BIN1: variants seen among roughly 807,000 people sequenced by gnomAD.
The protein encoded by BIN1 is myc box-dependent-interacting protein 1.
BIN1 carries 53 observed loss-of-function variants against 82.0 expected under a neutral mutation model. The ratio of observed to expected loss-of-function variants is 0.65; its 90% CI spans 0.52 to 0.81. The LOEUF is 0.81. Among genes scored for constraint, BIN1 ranks in the 40% least tolerant of loss-of-function variants. The probability of loss-of-function intolerance (pLI) is 0.00; values close to 1 mark genes in which losing one functional copy is unlikely to be tolerated. For synonymous variants in BIN1, 302 were observed against 328.0 expected (o/e 0.92, Z 0.86); for missense variants, 642 against 784.4 (o/e 0.82, Z 2.17).
intron 18 of BIN1, 73 bp downstream of exon 18, chr2:127,050,348 G>A (rs1412969008): frequency 2.5e-5 from 39 of 1,553,892 alleles, no homozygotes; most frequent in Admixed American, 1.3e-4. Context: ...GCCTGTCTCC[G>A]CCACGGCGGT....
Position 127,067,515 on chromosome 2 carries a change from T to C in BIN1, c.612+648A>G, listed in dbSNP as rs577340100. 6.6e-6 allele frequency among the ~76,000 whole-genome samples: 1 copy of C among 152,290 alleles called. No homozygotes were observed. Among genetic ancestry groups the C allele is most frequent in the South Asian group, 2.1e-4 (1 of 4,828 alleles). ...CCAGGAACACTGTGGTGCTGGTCAC[T>C]TGCCCTCCATGAATCCCCAAAGGCC... On this transcript the variant is annotated intron_variant, in intron 7 of 18. Transcript: ENST00000316724. The surrounding 1 kb of genome is among the most constrained non-coding windows in gnomAD (Gnocchi z 4.7).
At chr2:127,054,051 G>T (rs1683318581) in intron 12 of BIN1, 39 bp from the exon 13 acceptor site, 1 of 1,532,454 alleles carries the variant, frequency 6.5e-7, no homozygotes, top group Non-Finnish European at 8.8e-7. Context: ...GAAGCAGTTA[G>T]TGTTAAGCTG....
intron 1 of BIN1, among the ~76,000 whole-genome samples, chr2:127,085,688 G>A (rs1031070474): frequency 1.3e-5 from 2 of 152,290 alleles, no homozygotes; most frequent in East Asian, 3.9e-4. Context: ...CAGCAGGAAG[G>A]GCCCAGCACC....
In BIN1 at chr2:127,057,382, C is replaced by T. The variant is rs1437200471; in HGVS notation, c.1131+91G>A. On this transcript the variant is annotated intron_variant, in intron 12 of 18. Transcript: ENST00000316724. This position sits in a 1 kb window ranked among gnomAD's most constrained non-coding sequence, Gnocchi z 5.0. The stretch of plus-strand genomic sequence containing the variant: ...ACACTCTCTCTGGCCAGATTCCTGG[C>T]TCTTGAGACAGAAGCATAGAGGATG... 7.1e-6 allele frequency: 10 copies of T among 1,417,068 alleles called. No homozygotes were observed. The highest frequency in any genetic ancestry group is 8.3e-6 in the Non-Finnish European group (9 of 1,078,386). The allele number at this position is 1,417,068 out of a possible 1,614,324, so 87.8% of individuals were successfully genotyped here.
intron 1 of BIN1, among the ~76,000 whole-genome samples, chr2:127,081,202 G>T (rs1687254233): frequency 6.6e-6 from 1 of 152,232 alleles, no homozygotes; most frequent in Non-Finnish European, 1.5e-5. Flanking sequence ...GCCCAGGCCT[G>T]TCTTGTTTGA....
chr2:127,054,079 C>G, intron 12 of BIN1, 67 bp from the exon 13 acceptor site: 1 of 1,344,478 alleles, frequency 7.4e-7, no homozygotes, highest in Non-Finnish European at 1.0e-6. Context: ...TCACCCCAGG[C>G]AGACACTGCA....
chr2:127,086,387 C>T (rs1678160852), intron 1 of BIN1, among the ~76,000 whole-genome samples: 1 of 152,176 alleles, frequency 6.6e-6, no homozygotes, highest in African/African-American at 2.4e-5. Flanking sequence ...ACATAACCAA[C>T]ATAGACAGCT....
In BIN1 at chr2:127,093,396, G is replaced by A. The variant is rs760988393; in HGVS notation, c.84+13464C>T. 7.2e-5 allele frequency among the ~76,000 whole-genome samples: 11 copies of A among 152,046 alleles called. No homozygotes were observed. Among genetic ancestry groups the A allele is most frequent in the Admixed American group, 1.3e-4 (2 of 15,268 alleles). On this transcript the variant is annotated intron_variant, in intron 1 of 18. Coordinates refer to ENST00000316724, the MANE Select transcript of BIN1 (RefSeq NM_139343.3). The surrounding 1 kb of genome is among the most constrained non-coding windows in gnomAD (Gnocchi z 5.7). Reference sequence around the variant, plus strand: ...AAGACCAAAACCCCTTTTCCCCAAAGCCAGCCATGAAACCCAGATAGTTCA... The same window carrying A: ...AAGACCAAAACCCCTTTTCCCCAAAACCAGCCATGAAACCCAGATAGTTCA...
chr2:127,057,356 GAC>G lies in BIN1; in HGVS notation c.1131+115_1131+116del. 7.6e-7 allele frequency: 1 copy of G among 1,309,094 alleles called. No homozygotes were observed. Among genetic ancestry groups the G allele is most frequent in the Non-Finnish European group, 1.0e-6 (1 of 991,752 alleles). 81.1% of individuals were successfully genotyped at this position (1,309,094 alleles called of 1,614,324 possible). On this transcript the variant is annotated intron_variant, in intron 12 of 18. Coordinates refer to ENST00000316724, the MANE Select transcript of BIN1 (RefSeq NM_139343.3). The surrounding 1 kb of genome is among the most constrained non-coding windows in gnomAD (Gnocchi z 5.0). ...GAACAAAGGGTGAGAGAGGGAAACT[GAC>G]ACTCTCTCTGGCCAGATTCCTGGCT...
At chr2:127,058,988 T>C in intron 11 of BIN1, 23 bp downstream of exon 11, 1 of 1,553,398 alleles carries the variant, frequency 6.4e-7, no homozygotes, top group Non-Finnish European at 8.7e-7. Flanking sequence ...GCAGGGGACC[T>C]GCTACCAAGA....
chr2:127,060,543 G>A lies in BIN1; in HGVS notation c.858-1388C>T, dbSNP rs565260458. 2.5e-6 allele frequency: 4 copies of A among 1,613,062 alleles called. No individual in the cohort carries two copies. The African/African-American group carries it at 5.3e-5, about 21-fold the overall frequency. On this transcript the variant is annotated intron_variant, in intron 10 of 18. Transcript: ENST00000316724. ...AGCAGGGCGCAAGGCGCATGCACAG[G>A]GCCAGCCAGGGCGCGGGCCTCTGCG... is the stretch of plus-strand genomic sequence containing the variant.
chr2:127,074,876 T>C (rs1306446672), intron 2 of BIN1, among the ~76,000 whole-genome samples: 1 of 152,214 alleles, frequency 6.6e-6, no homozygotes, highest in East Asian at 1.9e-4. Context: ...CTAATTTTTG[T>C]ATTTTTAGTA....
At chr2:127,095,305 G>A (rs1458788469) in intron 1 of BIN1, among the ~76,000 whole-genome samples, 1 of 152,178 alleles carries the variant, frequency 6.6e-6, no homozygotes, top group East Asian at 1.9e-4. Flanking sequence ...AGCACAGTCA[G>A]GCCAGCTTCA....
At chr2:127,101,094 C>G (rs1424141555) in intron 1 of BIN1, among the ~76,000 whole-genome samples, 1 of 151,154 alleles carries the variant, frequency 6.6e-6, no homozygotes, top group East Asian at 1.9e-4. Flanking sequence ...TGGCCCTGGG[C>G]AGCAGAGGCC....
chr2:127,076,303 C>T (rs1000265899), intron 2 of BIN1, among the ~76,000 whole-genome samples: 4 of 152,146 alleles, frequency 2.6e-5, no homozygotes, highest in Non-Finnish European at 5.9e-5. Flanking sequence ...TTCTATAGCT[C>T]CCACTTGCCC....
At position 127,068,140 on chromosome 2, in the gene BIN1, G is replaced by A. The variant is rs765569791; in HGVS notation, c.612+23C>T. On this transcript the variant is annotated intron_variant, in intron 7 of 18. Transcript: ENST00000316724. The surrounding 1 kb of genome is among the most constrained non-coding windows in gnomAD (Gnocchi z 4.9). ...GACAGACCGGAAGGCGCCAGCACGT[G>A]CAAGGTTAGAAGCCAGTGTCACCTG... The A allele has an allele frequency of 2.7e-5, 44 of 1,607,868 alleles. No homozygotes were observed. The highest frequency in any genetic ancestry group is 3.7e-5 in the Non-Finnish European group (43 of 1,176,342).
At chr2:127,058,084 G>C (rs2104942121) in intron 11 of BIN1, among the ~76,000 whole-genome samples, 1 of 152,302 alleles carries the variant, frequency 6.6e-6, no homozygotes, top group South Asian at 2.1e-4. Context: ...AGGGAGCCCA[G>C]CTCAGACGAG....
chr2:127,058,910 G>A, intron 11 of BIN1, 101 bp downstream of exon 11: 1 of 1,503,162 alleles, frequency 6.7e-7, no homozygotes, highest in Non-Finnish European at 9.0e-7. Context: ...TAGCTGCCCA[G>A]GCCAGAAAGG....
intron 1 of BIN1, among the ~76,000 whole-genome samples, chr2:127,091,656 A>G (rs897571875): frequency 7.2e-5 from 11 of 152,136 alleles, no homozygotes; most frequent in Non-Finnish European, 1.6e-4. Context: ...TGGGAGGCCA[A>G]GGTGGGAGGA....
Sources: gnomAD v4.1 joint callset for allele counts (sites outside exome capture counted in the v4.1 genomes callset) on GRCh38, gnomAD v4.1.1 for gene constraint, Gnocchi (gnomAD v3.1) non-coding constraint, MANE v1.5 for transcripts, NCBI Gene and HGNC (gene_info 2026-07-23, HGNC 2026-07-21) for gene names.